The following ENPP6 variants were observed in gnomAD, a reference collection of about 807,000 sequenced individuals.
The protein encoded by ENPP6 is glycerophosphocholine cholinephosphodiesterase ENPP6.
Under a neutral mutation model 42.0 loss-of-function variants are expected in ENPP6, and 32 were observed. The observed-to-expected ratio is 0.76, with a 90% CI of 0.58 to 1.02. ENPP6 has a LOEUF of 1.02. Among genes scored for constraint, ENPP6 ranks in the 50% least tolerant of loss-of-function variants. The pLI is 0.00. For synonymous variants in ENPP6, 213 were observed against 216.0 expected, an observed-to-expected ratio of 0.99 and a Z score of 0.12; for missense variants, 552 against 566.8, an observed-to-expected ratio of 0.97 and a Z score of 0.27.
chr4:184,116,298 T>C (rs1483867520), intron 5 of ENPP6, among the ~76,000 whole-genome samples: 1 of 152,146 alleles, frequency 6.6e-6, no homozygotes, highest in Non-Finnish European at 1.5e-5. Context: ...CTCATGACAT[T>C]CAATGGAGTA....
intron 2 of ENPP6, among the ~76,000 whole-genome samples, chr4:184,131,520 A>ATTT (rs58927070): frequency 2.9e-5 from 4 of 136,712 alleles, no homozygotes; most frequent in African/African-American, 1.1e-4. Context: ...TGCCCAGCTA[A>ATTT]TTTTTTTTTT....
chr4:184,185,911 AT>A (rs1319265676), intron 1 of ENPP6, among the ~76,000 whole-genome samples: 1 of 152,222 alleles, frequency 6.6e-6, no homozygotes, highest in African/African-American at 2.4e-5. Flanking sequence ...TAATTAGTTG[AT>A]TTGTTGAATC....
chr4:184,212,559 A>G (rs2111125931), intron 1 of ENPP6, among the ~76,000 whole-genome samples: 1 of 151,278 alleles, frequency 6.6e-6, no homozygotes, highest in East Asian at 1.9e-4. Context: ...TTCAAGGAGA[A>G]CTACAAACCA....
intron 6 of ENPP6, among the ~76,000 whole-genome samples, chr4:184,106,690 C>T (rs79546132): frequency 0.029 from 4,424 of 152,230 alleles, 96 homozygotes; most frequent in Non-Finnish European, 0.045. Context: ...TCTCTGTGTC[C>T]ATGACAGCTC....
In ENPP6 at chr4:184,201,021, T is replaced by G. The variant is rs180782750; in HGVS notation, c.241+16558A>C. Among the ~76,000 whole-genome samples the G allele has an allele frequency of 2.5e-3, 376 of 152,324 alleles. 5 individuals are homozygous for G. Among genetic ancestry groups the G allele is most frequent in the Admixed American group, 0.021 (319 of 15,304 alleles). On this transcript the variant is annotated intron_variant, in intron 1 of 7. Transcript: ENST00000296741. ...CCCACGCATCCTCCCATGATCTGCC[T>G]TCTGGATCTTCTCTCCTTGCTGTCG...
intron 7 of ENPP6, among the ~76,000 whole-genome samples, chr4:184,095,157 A>G (rs544151638): frequency 1.3e-5 from 2 of 152,306 alleles, no homozygotes; most frequent in Non-Finnish European, 2.9e-5. Context: ...GCCTGGAAAC[A>G]TTTTGCAATT....
At chr4:184,191,452 A>T (rs1423453379) in intron 1 of ENPP6, among the ~76,000 whole-genome samples, 1 of 152,212 alleles carries the variant, frequency 6.6e-6, no homozygotes, top group Non-Finnish European at 1.5e-5. Flanking sequence ...GGAAGACAAT[A>T]GGAGTGCTAC....
In ENPP6 at chr4:184,091,343, A is replaced by G. The variant is rs542727824; in HGVS notation, c.1157T>C (p.Val386Ala). The G allele has an allele frequency of 1.4e-5, 22 of 1,613,398 alleles. No individual in the cohort carries two copies. In the African/African-American group the frequency reaches 2.7e-4, roughly 20 times the overall value. ...SNFRAAPIRS[V>A]DVYNVMCNVV... ...ATTGCACATGACATTGTAGACGTCC[A>G]CCGACCTGATAGGAGCAGCTCTGAA... The change falls in exon 8 of 8, where the codon GTG (valine) becomes GCG (alanine). Residue 386 changes from valine to alanine, a missense_variant. Physicochemically the swap from Val to Ala is moderately conservative, Grantham distance 64. Coordinates refer to ENST00000296741, the MANE Select transcript of ENPP6 (RefSeq NM_153343.4).
chr4:184,159,394 A>G (rs1737226333), intron 1 of ENPP6, among the ~76,000 whole-genome samples: 1 of 152,202 alleles, frequency 6.6e-6, no homozygotes, highest in African/African-American at 2.4e-5. Context: ...CTGTCTGTGC[A>G]TGAGCTAATA....
At chr4:184,203,080 C>T (rs1204262873) in intron 1 of ENPP6, among the ~76,000 whole-genome samples, 1 of 113,152 alleles carries the variant, frequency 8.8e-6, no homozygotes, top group Non-Finnish European at 1.9e-5. Context: ...CCCATCTCTA[C>T]TAAAAATACA....
chr4:184,162,554 A>G (rs6552756), intron 1 of ENPP6, among the ~76,000 whole-genome samples: 4,930 of 26,838 alleles, frequency 0.18, 294 homozygotes, highest in African/African-American at 0.33. Context: ...GGAAGAAGGA[A>G]GGAAAGAAGG....
At chr4:184,165,758 G>A (rs753218398) in intron 1 of ENPP6, among the ~76,000 whole-genome samples, 1 of 152,194 alleles carries the variant, frequency 6.6e-6, no homozygotes, top group African/African-American at 2.4e-5. Flanking sequence ...CTGAAATCAG[G>A]GGTCTCAAGA....
intron 7 of ENPP6, among the ~76,000 whole-genome samples, chr4:184,096,243 G>A (rs574111909): frequency 5.3e-5 from 8 of 152,320 alleles, no homozygotes; most frequent in Admixed American, 2.6e-4. Context: ...GCTGGCATAC[G>A]TCTTTGATCT....
Position 184,173,935 on chromosome 4 carries a change from G to C in ENPP6, c.242-20202C>G, listed in dbSNP as rs962340794. Among the ~76,000 whole-genome samples the C allele has an allele frequency of 2.6e-5, 4 of 152,136 alleles. No homozygotes were observed. The South Asian group carries it at 6.2e-4, about 24-fold the overall frequency. ...GTGGGTGGGAGATCCATCCCGGGGGGACACCTGGTGGGTCACATCTGGGAA... is the reference window on the plus strand; with the variant it reads ...GTGGGTGGGAGATCCATCCCGGGGGCACACCTGGTGGGTCACATCTGGGAA... On this transcript the variant is annotated intron_variant, in intron 1 of 7. Coordinates refer to ENST00000296741, the MANE Select transcript of ENPP6 (RefSeq NM_153343.4).
chr4:184,130,285 G>A (rs1005124335), intron 2 of ENPP6, among the ~76,000 whole-genome samples: 9 of 152,024 alleles, frequency 5.9e-5, no homozygotes, highest in African/African-American at 1.7e-4. Context: ...TTGGCCGGGC[G>A]CGGTGGCTCA....
chr4:184,210,467 A>G (rs1451416496), intron 1 of ENPP6, among the ~76,000 whole-genome samples: 1 of 119,438 alleles, frequency 8.4e-6, no homozygotes, highest in Non-Finnish European at 1.7e-5. Flanking sequence ...CTTTAAACCA[A>G]CAAAGATCAA....
chr4:184,138,986 T>C (rs1025068279), intron 2 of ENPP6, among the ~76,000 whole-genome samples: 11 of 152,264 alleles, frequency 7.2e-5, no homozygotes, highest in Admixed American at 5.2e-4. Flanking sequence ...GAGAAGGTCC[T>C]ATCTCCACCC....
chr4:184,148,794 TA>T (rs1358421699), intron 2 of ENPP6, among the ~76,000 whole-genome samples: 1 of 152,196 alleles, frequency 6.6e-6, no homozygotes, highest in Non-Finnish European at 1.5e-5. Context: ...TCTATTGCAT[TA>T]AAAAACCAAA....
At chr4:184,191,931 G>C (rs77383481) in intron 1 of ENPP6, among the ~76,000 whole-genome samples, 5,104 of 152,244 alleles carry the variant, frequency 0.034, 274 homozygotes, top group African/African-American at 0.12. Context: ...AGCAAAAGAA[G>C]TACCAAATGT....
Sources: allele counts gnomAD v4.1 joint callset (sites outside exome capture counted in the v4.1 genomes callset), GRCh38; gene constraint gnomAD v4.1.1; transcripts MANE v1.5; gene names NCBI Gene and HGNC (gene_info 2026-07-23, HGNC 2026-07-21).